SLC14A2: variants seen among roughly 807,000 people sequenced by gnomAD.
The protein encoded by SLC14A2 is solute carrier family 14 member 2.
A neutral mutation model predicts 104.6 loss-of-function variants in SLC14A2; 91 were observed. The observed-to-expected ratio is 0.87, with a 90% CI of 0.73 to 1.04. The LOEUF (loss-of-function observed/expected upper bound fraction) is 1.04. Ranked by LOEUF, SLC14A2 falls within the 50% of genes least tolerant of loss-of-function variation. The probability of loss-of-function intolerance (pLI) is 0.00; values close to 1 mark genes in which losing one functional copy is unlikely to be tolerated. For synonymous variants in SLC14A2, 476 were observed against 466.4 expected (o/e 1.02, Z -0.27); for missense variants, 1,189 against 1,156.0 (o/e 1.03, Z -0.41).
intron 1 of SLC14A2, among the ~76,000 whole-genome samples, chr18:45,225,747 A>G (rs1427510455): frequency 6.6e-6 from 1 of 152,100 alleles, no homozygotes; most frequent in Non-Finnish European, 1.5e-5. Flanking sequence ...TTCTCTTTGA[A>G]GCAATTGTGA....
At chr18:45,305,720 A>G (rs896164274) in intron 1 of SLC14A2, among the ~76,000 whole-genome samples, 16 of 152,022 alleles carry the variant, frequency 1.1e-4, no homozygotes, top group African/African-American at 3.9e-4. Context: ...CCCCTGCCAG[A>G]TTTCTTCTCA....
the SLC14A2 span, among the ~76,000 whole-genome samples, chr18:45,174,572 A>G: frequency 6.6e-6 from 1 of 152,124 alleles, no homozygotes; most frequent in Non-Finnish European, 1.5e-5. Flanking sequence ...TCAGTCCTAA[A>G]TTGTCATCCG....
At chr18:45,621,424 A>T (rs948304636) in intron 1 of SLC14A2, among the ~76,000 whole-genome samples, 1 of 152,222 alleles carries the variant, frequency 6.6e-6, no homozygotes, top group Non-Finnish European at 1.5e-5. Flanking sequence ...ACGGTGCTAG[A>T]CATGACAGGG....
upstream of SLC14A2, among the ~76,000 whole-genome samples, chr18:45,211,945 G>A (rs543892391): frequency 1.3e-5 from 2 of 152,230 alleles, no homozygotes; most frequent in South Asian, 4.1e-4. Flanking sequence ...GTATTTTTAG[G>A]TAAATAGTGA....
intron 1 of SLC14A2, among the ~76,000 whole-genome samples, chr18:45,360,782 A>G (rs1411721595): frequency 6.6e-6 from 1 of 152,236 alleles, no homozygotes; most frequent in Non-Finnish European, 1.5e-5. Context: ...TGCTACAGAG[A>G]GAAAGGGCAA....
intron 1 of SLC14A2, among the ~76,000 whole-genome samples, chr18:45,350,724 A>C (rs2085494910): frequency 6.6e-6 from 1 of 151,788 alleles, no homozygotes; most frequent in Non-Finnish European, 1.5e-5. Context: ...TTTAAATAAG[A>C]CCCTATTAGG....
At chr18:45,330,551 A>T (rs908915410) in intron 1 of SLC14A2, among the ~76,000 whole-genome samples, 1 of 152,242 alleles carries the variant, frequency 6.6e-6, no homozygotes, top group Non-Finnish European at 1.5e-5. Flanking sequence ...ATACTAAAGA[A>T]GGCAGAATGC....
chr18:45,598,917 G>C (rs2044750658), intron 2 of SLC14A2, among the ~76,000 whole-genome samples: 1 of 152,186 alleles, frequency 6.6e-6, no homozygotes, highest in South Asian at 2.1e-4. Flanking sequence ...CCAAGGGAAG[G>C]CTCTTCCTCC....
intron 1 of SLC14A2, among the ~76,000 whole-genome samples, chr18:45,451,130 C>T (rs1001770107): frequency 6.6e-6 from 1 of 152,152 alleles, no homozygotes; most frequent in African/African-American, 2.4e-5. Context: ...AGAAAAAGAG[C>T]CTTCAAGCAC....
intron 1 of SLC14A2, among the ~76,000 whole-genome samples, chr18:45,214,819 GT>G (rs1457815399): frequency 1.3e-5 from 2 of 150,168 alleles, no homozygotes; most frequent in East Asian, 3.9e-4. Context: ...CTTACGGTCT[GT>G]GGATCAGGCT....
chr18:45,673,017 G>C lies in SLC14A2; in HGVS notation c.2347G>C (p.Ala783Pro). The change falls in exon 17 of 20, where the codon GCA becomes CCA. Residue 783 changes from alanine to proline, a missense_variant. Coordinates refer to ENST00000255226, the MANE Select transcript of SLC14A2 (RefSeq NM_007163.4). ...ISSPLICLHA[A>P]IGSTMGMLAA... Reference sequence around the variant, plus strand: ...CTCACCTCTCATTTGCTTGCATGCAGCAATTGGATCCACCATGGGGATGCT... The same window carrying C: ...CTCACCTCTCATTTGCTTGCATGCACCAATTGGATCCACCATGGGGATGCT... 6.2e-7 allele frequency: 1 copy of C among 1,614,154 alleles called. No homozygotes were observed. Among genetic ancestry groups the C allele is most frequent in the South Asian group, 1.1e-5 (1 of 91,088 alleles).
intron 7 of SLC14A2, 47 bp downstream of exon 7, chr18:45,639,940 A>G (rs139130267): frequency 1.2e-5 from 18 of 1,564,102 alleles, no homozygotes; most frequent in Middle Eastern, 1.7e-4. Flanking sequence ...AATTCACTCA[A>G]GGTCACTTTT....
chr18:45,442,004 C>T (rs1333315058), intron 1 of SLC14A2, among the ~76,000 whole-genome samples: 1 of 152,132 alleles, frequency 6.6e-6, no homozygotes, highest in Non-Finnish European at 1.5e-5. Context: ...AACTGGCTGT[C>T]CTATTCCAGG....
upstream of SLC14A2, chr18:45,212,923 T>C (rs1383068175): frequency 6.6e-6 from 1 of 152,358 alleles, no homozygotes; most frequent in African/African-American, 2.4e-5. Flanking sequence ...CGCCATCTAG[T>C]GGGGGATCCA....
chr18:45,468,138 C>G (rs954078774), intron 1 of SLC14A2, among the ~76,000 whole-genome samples: 2 of 152,090 alleles, frequency 1.3e-5, no homozygotes, highest in Non-Finnish European at 2.9e-5. Context: ...TGCAGGAAAT[C>G]CCGAGCTAAG....
At chr18:45,634,996 A>C (rs2144535666) in intron 5 of SLC14A2, 1 of 354,304 alleles carries the variant, frequency 2.8e-6, no homozygotes, top group African/African-American at 2.1e-5. Context: ...AGATAGAGGC[A>C]ATATAACTTG....
At chr18:45,489,220 A>G (rs984767275) in intron 2 of SLC14A2, among the ~76,000 whole-genome samples, 2 of 152,184 alleles carry the variant, frequency 1.3e-5, no homozygotes, top group African/African-American at 4.8e-5. Flanking sequence ...CAGTTAACCT[A>G]TACTAAATCT....
At chr18:45,443,634 G>A (rs896016026) in intron 1 of SLC14A2, among the ~76,000 whole-genome samples, 1 of 152,098 alleles carries the variant, frequency 6.6e-6, no homozygotes, top group African/African-American at 2.4e-5. Flanking sequence ...TGGGGGAAAT[G>A]GAGTTCTAGT....
intron 1 of SLC14A2, among the ~76,000 whole-genome samples, chr18:45,295,655 G>A (rs1045077391): frequency 3.9e-5 from 6 of 152,122 alleles, no homozygotes; most frequent in Non-Finnish European, 5.9e-5. Flanking sequence ...GGCGTGTCAT[G>A]TTCAGTCCAT....
Sources: allele counts gnomAD v4.1 joint callset (sites outside exome capture counted in the v4.1 genomes callset), GRCh38; gene constraint gnomAD v4.1.1; transcripts MANE v1.5; gene names NCBI Gene and HGNC (gene_info 2026-07-23, HGNC 2026-07-21).